AHRR: variants seen among roughly 807,000 people sequenced by gnomAD.
AHRR encodes the protein ahR repressor.
Under a neutral mutation model 44.0 loss-of-function variants are expected in AHRR, and 28 were observed. The ratio of observed to expected loss-of-function variants is 0.64; its 90% CI spans 0.47 to 0.87. The LOEUF is 0.87. AHRR is among the 40% of genes least tolerant of loss of function. The pLI is 0.00. For synonymous variants in AHRR, 434 were observed against 407.0 expected, an observed-to-expected ratio of 1.07 and a Z score of -0.80; for missense variants, 990 against 953.9, an observed-to-expected ratio of 1.04 and a Z score of -0.50.
rs1224327993 is a variant in AHRR, at chr5:405,989, C to G, written c.352-7355C>G. Among the ~76,000 whole-genome samples the G allele has an allele frequency of 6.6e-6, 1 of 152,158 alleles. No individual in the cohort carries two copies. The highest frequency in any genetic ancestry group is 1.5e-5 in the Non-Finnish European group (1 of 68,042). On this transcript the variant is annotated intron_variant, in intron 4 of 10. Coordinates refer to ENST00000684583, the MANE Select transcript of AHRR (RefSeq NM_001377236.1). The surrounding 1 kb of genome is among the most constrained non-coding windows in gnomAD (Gnocchi z 4.5). ...ACTGGACCCTGGGTAGCAGTTCAAC[C>G]TTCCCCACACCTGTGACACCCAACA...
At chr5:360,158 C>G (rs1743126750) in intron 3 of AHRR, among the ~76,000 whole-genome samples, 1 of 152,050 alleles carries the variant, frequency 6.6e-6, no homozygotes, top group Admixed American at 6.6e-5. Flanking sequence ...CTGATAGGAC[C>G]AGTGTCCTTA....
chr5:400,241 G>A (rs1045591608), intron 4 of AHRR, among the ~76,000 whole-genome samples: 6 of 152,196 alleles, frequency 3.9e-5, no homozygotes, highest in African/African-American at 1.4e-4. Context: ...GTACTTGCCG[G>A]CTATTTTTTC....
At position 388,709 on chromosome 5, in the gene AHRR, C is replaced by T. The variant is rs1290070748; in HGVS notation, c.351+11993C>T. 1.3e-5 allele frequency among the ~76,000 whole-genome samples: 2 copies of T among 151,990 alleles called. No individual in the cohort carries two copies. Among genetic ancestry groups the T allele is most frequent in the East Asian group, 1.9e-4 (1 of 5,160 alleles). On this transcript the variant is annotated intron_variant, in intron 4 of 10. Coordinates refer to ENST00000684583, the MANE Select transcript of AHRR (RefSeq NM_001377236.1). The surrounding 1 kb of genome is among the most constrained non-coding windows in gnomAD (Gnocchi z 5.2). ...GGCACCGTCCTCCCATTGGCCAGGA[C>T]GAGGACTAAGCTGTGACCCCTCTGG...
rs572571901 is a variant in AHRR, at chr5:367,916, G to A, written c.245-8694G>A. ...GCATTGGACACCCAGGCCCTGAGAC[G>A]TACTCAGTTCGGTCTGCATCTGTTG... On this transcript the variant is annotated intron_variant, in intron 3 of 10. Transcript: ENST00000684583. 3.8e-4 allele frequency: 265 copies of A among 702,568 alleles called. No individual in the cohort carries two copies. In the African/African-American group the frequency reaches 4.1e-3, roughly 11 times the overall value. The allele number at this position is 702,568 out of a possible 1,614,324, so 43.5% of individuals were successfully genotyped here.
intron 1 of AHRR, among the ~76,000 whole-genome samples, chr5:341,566 G>A (rs1310047995): frequency 5.1e-5 from 6 of 116,872 alleles, no homozygotes; most frequent in African/African-American, 1.3e-4. Context: ...TCACTCTGTC[G>A]CCCAGGCTGG....
intron 1 of AHRR, among the ~76,000 whole-genome samples, chr5:329,911 T>C: frequency 6.6e-6 from 1 of 152,210 alleles, no homozygotes; most frequent in East Asian, 1.9e-4. Flanking sequence ...TATTGGCAGA[T>C]AGGAATAATT....
chr5:334,376 C>G (rs1221423973), intron 1 of AHRR, among the ~76,000 whole-genome samples: 2 of 152,100 alleles, frequency 1.3e-5, no homozygotes, highest in Non-Finnish European at 2.9e-5. Flanking sequence ...TGTATGTAGT[C>G]CCAGGTATCT....
Position 427,897 on chromosome 5 carries a change from T to A in AHRR, c.799T>A (p.Phe267Ile). The change falls in exon 8 of 11, where the codon TTC becomes ATC. Residue 267 changes from phenylalanine to isoleucine, a missense_variant. Physicochemically the swap from Phe to Ile is conservative, Grantham distance 21. Transcript: ENST00000684583. ...GAMLPPRLSL[F>I]CIAAPVLLPS... ...CATGCTCCCGCCGCGGCTGTCGCTGTTCTGCATTGCGGCACCCGTTCTCCT... is the reference window on the plus strand; with the variant it reads ...CATGCTCCCGCCGCGGCTGTCGCTGATCTGCATTGCGGCACCCGTTCTCCT... 6.2e-7 allele frequency: 1 copy of A among 1,614,148 alleles called. No homozygotes were observed. The highest frequency in any genetic ancestry group is 8.5e-7 in the Non-Finnish European group (1 of 1,180,042).
intron 5 of AHRR, among the ~76,000 whole-genome samples, chr5:415,691 TA>T: frequency 6.6e-6 from 1 of 151,588 alleles, no homozygotes; most frequent in South Asian, 2.1e-4. Context: ...GCGGGAGGCC[TA>T]GGGGCGGAGT....
rs749429350 is a variant in AHRR at position 395,266 on chromosome 5, C to T, written c.352-18078C>T. Among the ~76,000 whole-genome samples, 1 of 152,170 alleles carries T rather than the reference C, an allele frequency of 6.6e-6. No individual in the cohort carries two copies. Among genetic ancestry groups the T allele is most frequent in the Non-Finnish European group, 1.5e-5 (1 of 68,028 alleles). ...CCCCATTCCCTGAATGACACTGGTG[C>T]GGAATGCAGACAGAGGGGGCCTGGG... On this transcript the variant is annotated intron_variant, in intron 4 of 10. Coordinates refer to ENST00000684583, the MANE Select transcript of AHRR (RefSeq NM_001377236.1). The surrounding 1 kb of genome is among the most constrained non-coding windows in gnomAD (Gnocchi z 5.3).
intron 4 of AHRR, among the ~76,000 whole-genome samples, chr5:397,117 CATCCAT>C (rs1162438294): frequency 4.0e-5 from 5 of 124,484 alleles, no homozygotes; most frequent in Admixed American, 1.6e-4. Flanking sequence ...AGCCCCTGAC[CATCCAT>C]GTTAGCCCCT....
Position 434,966 on chromosome 5 carries a change from C to T in AHRR, c.*132C>T. 7.8e-7 allele frequency: 1 copy of T among 1,278,438 alleles called. No individual in the cohort carries two copies. The highest frequency in any genetic ancestry group is 1.0e-6 in the Non-Finnish European group (1 of 953,312). The allele number at this position is 1,278,438 out of a possible 1,614,324, so 79.2% of individuals were successfully genotyped here. Reference sequence around the variant, plus strand: ...CTTTGCAGAGCTGTGCATGCGCAGTCTGCTAGTGTGTGTGTGCAGCATACG... The same window carrying T: ...CTTTGCAGAGCTGTGCATGCGCAGTTTGCTAGTGTGTGTGTGCAGCATACG... On this transcript the variant is annotated 3_prime_UTR_variant, in exon 11 of 11. Transcript: ENST00000684583.
At chr5:350,370 G>A (rs1418464317) in intron 2 of AHRR, among the ~76,000 whole-genome samples, 1 of 152,194 alleles carries the variant, frequency 6.6e-6, no homozygotes, top group East Asian at 1.9e-4. Flanking sequence ...AGCTGGCTTG[G>A]TGCACCTCCC....
chr5:435,097 CT>C lies in AHRR; in HGVS notation c.*266del, dbSNP rs1420688113. On this transcript the variant is annotated 3_prime_UTR_variant, in exon 11 of 11. Transcript: ENST00000684583. Reference sequence around the variant, plus strand: ...GCATTTCTCTTTGAGGAATTAAAATCTTTAGGAAAGTGATCATGGCTGGACA... The same window carrying C: ...GCATTTCTCTTTGAGGAATTAAAATCTTAGGAAAGTGATCATGGCTGGACA... 1 of 510,320 alleles carries C rather than the reference CT, an allele frequency of 2.0e-6. No individual in the cohort carries two copies. Among genetic ancestry groups the C allele is most frequent in the Non-Finnish European group, 3.4e-6 (1 of 292,770 alleles). The allele number at this position is 510,320 out of a possible 1,614,324, so 31.6% of individuals were successfully genotyped here. A position where few individuals can be genotyped will look rare whatever the true frequency, so the allele number is the denominator to read the frequency against.
chr5:393,080 T>TAACAG (rs2126477643), intron 4 of AHRR, among the ~76,000 whole-genome samples: 1 of 152,340 alleles, frequency 6.6e-6, no homozygotes, highest in East Asian at 1.9e-4. Context: ...AACCCTCTGT[T>TAACAG]AGATAAATTG....
chr5:340,664 T>TTG (rs1371883487), intron 1 of AHRR, among the ~76,000 whole-genome samples: 1 of 31,962 alleles, frequency 3.1e-5, no homozygotes, highest in Non-Finnish European at 5.1e-5. Context: ...CACAGCAATA[T>TTG]TATATATATA....
At chr5:340,686 A>ATTTTTTTTT (rs1460511792) in intron 1 of AHRR, among the ~76,000 whole-genome samples, 1 of 19,498 alleles carries the variant, frequency 5.1e-5, no homozygotes, top group African/African-American at 3.4e-4. Context: ...ATATATATAT[A>ATTTTTTTTT]TATTTTTTTT....
chr5:345,165 C>T (rs1356419285), intron 2 of AHRR, among the ~76,000 whole-genome samples: 1 of 16,724 alleles, frequency 6.0e-5, no homozygotes, highest in Non-Finnish European at 1.1e-4. Context: ...GGATGATGTC[C>T]CTGGCTGTGT....
At chr5:378,236 T>C (rs1326499560) in intron 4 of AHRR, among the ~76,000 whole-genome samples, 1 of 152,110 alleles carries the variant, frequency 6.6e-6, no homozygotes, top group African/African-American at 2.4e-5. Flanking sequence ...TAATCTTCAA[T>C]CTCTTCACAA....
Sources: allele counts gnomAD v4.1 joint callset (sites outside exome capture counted in the v4.1 genomes callset), GRCh38; gene constraint gnomAD v4.1.1; non-coding constraint Gnocchi (gnomAD v3.1); transcripts MANE v1.5; gene names NCBI Gene and HGNC (gene_info 2026-07-23, HGNC 2026-07-21).